FAT3: variants seen among roughly 807,000 people sequenced by gnomAD.
The protein encoded by FAT3 is protocadherin Fat 3.
In FAT3, 95 loss-of-function variants were observed where a neutral mutation model predicts 310.2. The observed-to-expected ratio is 0.31, with a 90% confidence interval of 0.26 to 0.36. The LOEUF (loss-of-function observed/expected upper bound fraction) is 0.36. FAT3 is among the 10% of genes least tolerant of loss of function. The pLI, the probability that FAT3 is intolerant of heterozygous loss-of-function variation, is 1.00. For synonymous variants in FAT3, 2,314 were observed against 2,192.9 expected, an observed-to-expected ratio of 1.06 and a Z score of -1.54; for missense variants, 5,408 against 5,715.6, an observed-to-expected ratio of 0.95 and a Z score of 1.74.
chr11:92,260,116 C>T (rs948728320), intron 1 of FAT3, among the ~76,000 whole-genome samples: 2 of 152,114 alleles, frequency 1.3e-5, no homozygotes, highest in African/African-American at 2.4e-5. Flanking sequence ...CAGCGTGACC[C>T]GGTTTCTTGG....
chr11:92,864,381 A>G lies in FAT3; in HGVS notation c.11659-2360A>G, dbSNP rs1369713898. On this transcript the variant is annotated intron_variant, in intron 21 of 27. Transcript: ENST00000525166. Reference sequence around the variant, plus strand: ...AGAAAAAGATACTCCCCAAAGTCACATTTGATGATTTATTACTTACATTAA... The same window carrying G: ...AGAAAAAGATACTCCCCAAAGTCACGTTTGATGATTTATTACTTACATTAA... Among the ~76,000 whole-genome samples the G allele has an allele frequency of 5.3e-5, 8 of 152,374 alleles. No individual in the cohort carries two copies. In the South Asian group the frequency reaches 1.2e-3, roughly 24 times the overall value.
At chr11:92,766,339 C>T (rs892787343) in intron 6 of FAT3, among the ~76,000 whole-genome samples, 1 of 152,276 alleles carries the variant, frequency 6.6e-6, no homozygotes, top group South Asian at 2.1e-4. Flanking sequence ...CTGTGGGAGG[C>T]AGGGGATCCA....
chr11:92,888,351 A>G (rs1015759956), intron 25 of FAT3, among the ~76,000 whole-genome samples: 3 of 152,176 alleles, frequency 2.0e-5, no homozygotes, highest in Admixed American at 1.3e-4. Flanking sequence ...CACTTTATAT[A>G]GAAATACCTA....
chr11:92,535,031 T>C (rs190161680), intron 3 of FAT3, among the ~76,000 whole-genome samples: 1 of 152,336 alleles, frequency 6.6e-6, no homozygotes, highest in East Asian at 1.9e-4. Context: ...GTAACATTCC[T>C]TCCCTCTAGG....
intron 6 of FAT3, among the ~76,000 whole-genome samples, chr11:92,766,054 G>A (rs1422711308): frequency 5.9e-5 from 9 of 152,028 alleles, no homozygotes; most frequent in Non-Finnish European, 7.4e-5. Context: ...AGCCTCCCCC[G>A]CAAGCCGAAT....
rs58680206 is a variant in FAT3 at position 92,374,030 on chromosome 11, G to GGAGAGAGAGA, written c.3292+18645_3292+18654dup. On this transcript the variant is annotated intron_variant, in intron 2 of 27. Coordinates refer to ENST00000525166, the MANE Select transcript of FAT3 (RefSeq NM_001367949.2). Reference sequence around the variant, plus strand: ...CCAAAGGACTCTCAGACAGAGAGAGGGAGAGAGAGAGAGAGAGAGAGAGAG... The same window carrying GGAGAGAGAGA: ...CCAAAGGACTCTCAGACAGAGAGAGGGAGAGAGAGAGAGAGAGAGAGAGAGAGAGAGAGAG... Among the ~76,000 whole-genome samples, 1,410 of 142,214 alleles carry GGAGAGAGAGA rather than the reference G, an allele frequency of 9.9e-3. 15 individuals are homozygous for GGAGAGAGAGA. Among genetic ancestry groups the GGAGAGAGAGA allele is most frequent in the African/African-American group, 0.017 (620 of 37,482 alleles). 93.3% of individuals were successfully genotyped at this position (142,214 alleles called of 152,430 possible). A position where few individuals can be genotyped will look rare whatever the true frequency, so the allele number is the denominator to read the frequency against.
At chr11:92,736,199 A>T (rs1591664429) in intron 4 of FAT3, among the ~76,000 whole-genome samples, 1 of 152,132 alleles carries the variant, frequency 6.6e-6, no homozygotes, top group African/African-American at 2.4e-5. Flanking sequence ...TGTTGTGCTG[A>T]CCCAGACATT....
At chr11:92,758,145 T>C (rs1452763406) in intron 4 of FAT3, among the ~76,000 whole-genome samples, 1 of 152,204 alleles carries the variant, frequency 6.6e-6, no homozygotes, top group Non-Finnish European at 1.5e-5. Flanking sequence ...CTTGATTTCA[T>C]AGAATATTTG....
At chr11:92,444,144 A>G (rs528341193) in intron 2 of FAT3, among the ~76,000 whole-genome samples, 81 of 152,302 alleles carry the variant, frequency 5.3e-4, no homozygotes, top group Non-Finnish European at 7.5e-4. Context: ...TATAAATGAG[A>G]GTATCTTCTC....
At chr11:92,482,320 A>G (rs924865901) in intron 2 of FAT3, among the ~76,000 whole-genome samples, 2 of 152,196 alleles carry the variant, frequency 1.3e-5, no homozygotes, top group Admixed American at 1.3e-4. Flanking sequence ...TAATAGTAAT[A>G]GCAGTAGCCA....
At chr11:92,639,656 T>A (rs1462055576) in intron 3 of FAT3, among the ~76,000 whole-genome samples, 1 of 152,144 alleles carries the variant, frequency 6.6e-6, no homozygotes, top group Non-Finnish European at 1.5e-5. Flanking sequence ...GTTGTGTGAG[T>A]CTACTCAGCC....
chr11:92,268,928 AT>A (rs11359060), intron 1 of FAT3, among the ~76,000 whole-genome samples: 30,515 of 151,966 alleles, frequency 0.2, 3,763 homozygotes, highest in African/African-American at 0.35. Flanking sequence ...TGAAGCTATT[AT>A]TTTTTTCCAT....
chr11:92,796,570 A>G (rs1244154163), intron 9 of FAT3, among the ~76,000 whole-genome samples: 1 of 152,194 alleles, frequency 6.6e-6, no homozygotes, highest in Non-Finnish European at 1.5e-5. Context: ...TTATATACCT[A>G]TCATACTACA....
intron 13 of FAT3, among the ~76,000 whole-genome samples, chr11:92,825,258 TC>T (rs1295024458): frequency 1.3e-5 from 2 of 152,198 alleles, no homozygotes; most frequent in Admixed American, 1.3e-4. Flanking sequence ...GGTTCAACAT[TC>T]ATTGCTCTCT....
chr11:92,678,825 A>G (rs1943374564), intron 3 of FAT3, among the ~76,000 whole-genome samples: 2 of 152,222 alleles, frequency 1.3e-5, no homozygotes, highest in Admixed American at 1.3e-4. Context: ...GCACAAATTT[A>G]TGTGGTACAT....
chr11:92,754,934 TG>T (rs1245856513), intron 4 of FAT3, among the ~76,000 whole-genome samples: 1 of 152,042 alleles, frequency 6.6e-6, no homozygotes, highest in Admixed American at 6.6e-5. Context: ...TGGATATACT[TG>T]AAGAACATTA....
chr11:92,878,780 A>G (rs1949602662), intron 22 of FAT3, among the ~76,000 whole-genome samples: 1 of 151,710 alleles, frequency 6.6e-6, no homozygotes, highest in Non-Finnish European at 1.5e-5. Context: ...GAGATGTAAC[A>G]TAAGAGAGAA....
chr11:92,609,108 C>T (rs1940443332), intron 3 of FAT3, among the ~76,000 whole-genome samples: 1 of 152,152 alleles, frequency 6.6e-6, no homozygotes, highest in Admixed American at 6.5e-5. Flanking sequence ...TGAGCATTTA[C>T]AAAGCAAAGA....
chr11:92,506,281 T>C lies in FAT3; in HGVS notation c.3293-18353T>C, dbSNP rs546846783. 5.3e-4 allele frequency among the ~76,000 whole-genome samples: 80 copies of C among 152,268 alleles called. 1 individual carries two copies. The South Asian group carries it at 0.016, about 30-fold the overall frequency. ...AGATATGTGAAGAGAAGAAAGGTGG[T>C]TGTAGAATGGCCCCAAGATCCTCCT... On this transcript the variant is annotated intron_variant, in intron 2 of 27. Transcript: ENST00000525166.
Sources: allele counts gnomAD v4.1 joint callset (sites outside exome capture counted in the v4.1 genomes callset), GRCh38; gene constraint gnomAD v4.1.1; transcripts MANE v1.5; gene names NCBI Gene and HGNC (gene_info 2026-07-23, HGNC 2026-07-21).